Variants in AS3MT observed in about 807,000 individuals in gnomAD.
AS3MT encodes S-adenosyl-L-methionine:arsenic(III) methyltransferase.
A neutral mutation model predicts 45.3 loss-of-function variants in AS3MT; 47 were observed. The ratio of observed to expected loss-of-function variants is 1.04; its 90% CI spans 0.82 to 1.32. The LOEUF is 1.32. Among genes scored for constraint, AS3MT ranks in the 40% most tolerant of loss-of-function variants. AS3MT has a pLI of 0.00. For synonymous variants in AS3MT, 141 were observed against 152.8 expected (o/e 0.92, Z 0.57); for missense variants, 396 against 451.1 (o/e 0.88, Z 1.11).
chr10:102,880,056 C>G (rs939417264), intron 9 of AS3MT, among the ~76,000 whole-genome samples: 7 of 152,060 alleles, frequency 4.6e-5, no homozygotes, highest in African/African-American at 1.7e-4. Flanking sequence ...TACAAGAAGC[C>G]TCATTCAGAC....
chr10:102,882,235 G>T (rs979923804), intron 9 of AS3MT, among the ~76,000 whole-genome samples: 3 of 151,508 alleles, frequency 2.0e-5, no homozygotes, highest in Admixed American at 1.3e-4. Context: ...CACCACTCCC[G>T]GCCAAGACAG....
At chr10:102,871,442 G>A (rs1330932624) in intron 3 of AS3MT, among the ~76,000 whole-genome samples, 5 of 151,208 alleles carry the variant, frequency 3.3e-5, no homozygotes, top group African/African-American at 1.2e-4. Context: ...GGCTGCTGGG[G>A]AGGCTGAGGC....
intron 10 of AS3MT, among the ~76,000 whole-genome samples, chr10:102,891,072 T>C (rs1845062881): frequency 6.6e-6 from 1 of 152,208 alleles, no homozygotes; most frequent in Non-Finnish European, 1.5e-5. Flanking sequence ...TAGACGGTTA[T>C]ATACCAGTTA....
intron 3 of AS3MT, among the ~76,000 whole-genome samples, chr10:102,871,829 CT>C (rs1455353842): frequency 3.9e-5 from 6 of 152,092 alleles, no homozygotes; most frequent in African/African-American, 1.4e-4. Flanking sequence ...AGTCCTGGGC[CT>C]GAATTAGAAG....
intron 6 of AS3MT, 39 bp from the exon 7 acceptor site, chr10:102,876,915 A>G: frequency 6.3e-7 from 1 of 1,585,288 alleles, no homozygotes; most frequent in Non-Finnish European, 8.7e-7. Flanking sequence ...CAATGTAATC[A>G]TTAATCATCT....
chr10:102,892,095 T>G (rs1405740065), intron 10 of AS3MT, among the ~76,000 whole-genome samples: 1 of 152,008 alleles, frequency 6.6e-6, no homozygotes, highest in Non-Finnish European at 1.5e-5. Flanking sequence ...TTGGCTACAA[T>G]AACCCTCTAA....
In AS3MT at chr10:102,896,111, C is replaced by A. The variant is rs533194482; in HGVS notation, c.1021-4482C>A. On this transcript the variant is annotated intron_variant, in intron 10 of 10. Transcript: ENST00000369880. ...CTTTGGGAGGCTGAGGCTGGCAGAC[C>A]ACTTGAGGTCAGGAGGTCAAGACCA... Among the ~76,000 whole-genome samples, 22 of 151,692 alleles carry A rather than the reference C, an allele frequency of 1.5e-4. No homozygotes were observed. In the East Asian group the frequency reaches 2.4e-3, roughly 17 times the overall value.
At chr10:102,869,892 T>G in intron 2 of AS3MT, 47 bp downstream of exon 2, 2 of 1,610,770 alleles carry the variant, frequency 1.2e-6, no homozygotes, top group South Asian at 1.1e-5. Flanking sequence ...CCTAGGCTAA[T>G]GGAAGTCTGG....
At chr10:102,899,669 C>CTT (rs538296715) in intron 10 of AS3MT, among the ~76,000 whole-genome samples, 34 of 135,210 alleles carry the variant, frequency 2.5e-4, no homozygotes, top group South Asian at 1.2e-3. Flanking sequence ...CATGTTCATG[C>CTT]TTTTTTTTTT....
At chr10:102,891,948 CAAAAAAAAAA>C (rs57594880) in intron 10 of AS3MT, among the ~76,000 whole-genome samples, 2 of 57,844 alleles carry the variant, frequency 3.5e-5, no homozygotes, top group African/African-American at 6.9e-5. Flanking sequence ...GACTCTGTCT[CAAAAAAAAAA>C]AAAAAAAAAA....
chr10:102,894,598 G>A (rs2134131568), intron 10 of AS3MT, among the ~76,000 whole-genome samples: 1 of 152,160 alleles, frequency 6.6e-6, no homozygotes, highest in Non-Finnish European at 1.5e-5. Flanking sequence ...CCTCCCTTTT[G>A]GAATTCAGAC....
intron 10 of AS3MT, among the ~76,000 whole-genome samples, chr10:102,898,136 G>T (rs575364095): frequency 6.6e-6 from 1 of 151,462 alleles, no homozygotes; most frequent in East Asian, 1.9e-4. Flanking sequence ...TTTCTTAACG[G>T]AAGACCTTTA....
At chr10:102,878,343 C>T (rs1199837740) in intron 7 of AS3MT, 36 bp from the exon 8 acceptor site, 3 of 1,607,436 alleles carry the variant, frequency 1.9e-6, no homozygotes, top group Non-Finnish European at 2.5e-6. Context: ...TAAGTGTTGG[C>T]TGGTCTGTGG....
intron 9 of AS3MT, among the ~76,000 whole-genome samples, chr10:102,880,816 TA>T (rs1299184900): frequency 6.6e-6 from 1 of 152,020 alleles, no homozygotes; most frequent in Non-Finnish European, 1.5e-5. Context: ...TTAGAAACAC[TA>T]AAAAAAGGTG....
In AS3MT at chr10:102,878,939, G is replaced by T. The variant is rs750353278; in HGVS notation, c.833G>T (p.Gly278Val). 33 of 1,613,570 alleles carry T rather than the reference G, an allele frequency of 2.0e-5. No individual in the cohort carries two copies. The highest frequency in any genetic ancestry group is 2.6e-5 in the Non-Finnish European group (31 of 1,179,730). ...AGATGCCAAGTTATTTACAATGGAGGAATTACAGGACATGAAAAAGAACTA... is the reference window on the plus strand; with the variant it reads ...AGATGCCAAGTTATTTACAATGGAGTAATTACAGGACATGAAAAAGAACTA... ...TKRCQVIYNGGITGHEKELMF... is the reference protein window; with the variant it reads ...TKRCQVIYNGVITGHEKELMF... The change falls in exon 9 of 11, where the codon GGA becomes GTA. Residue 278 changes from glycine to valine, a missense_variant. By Grantham distance (109) the Gly-to-Val change is moderately radical. Coordinates refer to ENST00000369880, the MANE Select transcript of AS3MT (RefSeq NM_020682.4).
chr10:102,877,341 G>A (rs1285815013), intron 7 of AS3MT, among the ~76,000 whole-genome samples: 1 of 152,114 alleles, frequency 6.6e-6, no homozygotes, highest in African/African-American at 2.4e-5. Flanking sequence ...GTGGAAATGA[G>A]GACAATTGTT....
At chr10:102,883,174 C>A (rs1844894531) in intron 9 of AS3MT, among the ~76,000 whole-genome samples, 1 of 150,502 alleles carries the variant, frequency 6.6e-6, no homozygotes, top group African/African-American at 2.4e-5. Flanking sequence ...AATCTCGGCT[C>A]ACTGCAACCT....
At chr10:102,871,268 C>T (rs1461457679) in intron 3 of AS3MT, among the ~76,000 whole-genome samples, 3 of 149,518 alleles carry the variant, frequency 2.0e-5, no homozygotes, top group Non-Finnish European at 3.0e-5. Context: ...AAAAAAAGGC[C>T]GGGGGTGGTG....
At chr10:102,878,737 A>G (rs1322785546) in intron 8 of AS3MT, 112 bp from the exon 9 acceptor site, 1 of 1,399,398 alleles carries the variant, frequency 7.1e-7, no homozygotes, top group Non-Finnish European at 9.7e-7. Flanking sequence ...AAGATAACTG[A>G]TGACATGCAA....
Sources: allele counts gnomAD v4.1 joint callset (sites outside exome capture counted in the v4.1 genomes callset), GRCh38; gene constraint gnomAD v4.1.1; transcripts MANE v1.5; gene names NCBI Gene and HGNC (gene_info 2026-07-23, HGNC 2026-07-21).